MEI4: variants seen among roughly 807,000 people sequenced by gnomAD.
MEI4 encodes the protein meiosis-specific protein MEI4.
A neutral mutation model predicts 31.4 loss-of-function variants in MEI4; 27 were observed. That is an observed-to-expected ratio of 0.86 (90% CI 0.63 to 1.19). MEI4 has a LOEUF of 1.19. MEI4 is among the 50% of genes most tolerant of loss of function. MEI4 has a pLI of 0.00. For synonymous variants in MEI4, 122 were observed against 145.4 expected, an observed-to-expected ratio of 0.84 and a Z score of 1.16; for missense variants, 329 against 398.9, an observed-to-expected ratio of 0.82 and a Z score of 1.49.
At chr6:77,915,549 C>T (rs565462916) in intron 4 of MEI4, among the ~76,000 whole-genome samples, 1 of 151,902 alleles carries the variant, frequency 6.6e-6, no homozygotes, top group African/African-American at 2.4e-5. Context: ...TTTTCTCTTG[C>T]TATTGCTCTC....
chr6:77,902,957 CA>C (rs1562031767), intron 4 of MEI4, among the ~76,000 whole-genome samples: 1 of 152,096 alleles, frequency 6.6e-6, no homozygotes, highest in African/African-American at 2.4e-5. Flanking sequence ...TCAAATTTGG[CA>C]AATAAACTTT....
At chr6:77,734,338 A>G (rs926451981) in intron 2 of MEI4, among the ~76,000 whole-genome samples, 1 of 152,054 alleles carries the variant, frequency 6.6e-6, no homozygotes, top group Non-Finnish European at 1.5e-5. Context: ...TTTAGGATAT[A>G]TATTTAGGAT....
At chr6:77,896,628 C>A (rs533110708) in intron 4 of MEI4, among the ~76,000 whole-genome samples, 1 of 152,146 alleles carries the variant, frequency 6.6e-6, no homozygotes, top group African/African-American at 2.4e-5. Flanking sequence ...GTTTAACACA[C>A]ACTTACACCT....
intron 1 of MEI4, among the ~76,000 whole-genome samples, chr6:77,670,552 G>C (rs1382625984): frequency 6.6e-6 from 1 of 152,058 alleles, no homozygotes; most frequent in East Asian, 1.9e-4. Context: ...GGATTATCGT[G>C]TGACCACATA....
chr6:77,838,921 C>T (rs946985500), intron 4 of MEI4, among the ~76,000 whole-genome samples: 2 of 151,660 alleles, frequency 1.3e-5, no homozygotes, highest in African/African-American at 2.4e-5. Context: ...AAAAAGTCAA[C>T]TACCTGAGAA....
At chr6:77,719,423 C>A in intron 2 of MEI4, among the ~76,000 whole-genome samples, 1 of 118,102 alleles carries the variant, frequency 8.5e-6, no homozygotes, top group African/African-American at 3.4e-5. Context: ...TTCTACCAAC[C>A]AATTTTGGAC....
At chr6:77,856,852 A>G (rs1770758712) in intron 4 of MEI4, among the ~76,000 whole-genome samples, 1 of 150,810 alleles carries the variant, frequency 6.6e-6, no homozygotes, top group Admixed American at 6.6e-5. Context: ...AGCAAGGCAC[A>G]CCTCTTTACA....
chr6:77,883,717 G>GATAGATATATATATATATAT (rs1554172067), intron 4 of MEI4, among the ~76,000 whole-genome samples: 65 of 43,298 alleles, frequency 1.5e-3, no homozygotes, highest in Admixed American at 3.5e-3. Flanking sequence ...TATTATGTAA[G>GATAGATATATATATATATAT]ATATATATAT....
chr6:77,696,319 G>C (rs1163744133), intron 2 of MEI4, among the ~76,000 whole-genome samples: 2 of 152,154 alleles, frequency 1.3e-5, no homozygotes, highest in Non-Finnish European at 2.9e-5. Context: ...GGAGTGGTGA[G>C]AGAGGGCATC....
intron 1 of MEI4, among the ~76,000 whole-genome samples, chr6:77,660,512 G>A (rs1437213708): frequency 6.6e-6 from 1 of 151,950 alleles, no homozygotes; most frequent in Non-Finnish European, 1.5e-5. Context: ...ATGGAGAATA[G>A]GAGTATGACC....
chr6:77,685,117 C>A (rs569992996), intron 1 of MEI4, among the ~76,000 whole-genome samples: 6 of 152,076 alleles, frequency 3.9e-5, no homozygotes, highest in Non-Finnish European at 8.8e-5. Flanking sequence ...GCTGTGAACA[C>A]TTTCATATGT....
chr6:77,668,766 A>C (rs117678839), intron 1 of MEI4, among the ~76,000 whole-genome samples: 2,807 of 152,324 alleles, frequency 0.018, 43 homozygotes, highest in Non-Finnish European at 0.031. Context: ...TATATCATAA[A>C]ATGCTATTGT....
intron 4 of MEI4, among the ~76,000 whole-genome samples, chr6:77,878,873 C>T (rs1771409927): frequency 6.6e-6 from 1 of 152,008 alleles, no homozygotes; most frequent in East Asian, 1.9e-4. Flanking sequence ...GTAATCCAGG[C>T]TTCTACATGA....
At chr6:77,746,882 G>A (rs1475430814) in intron 2 of MEI4, among the ~76,000 whole-genome samples, 4 of 151,974 alleles carry the variant, frequency 2.6e-5, no homozygotes, top group Non-Finnish European at 5.9e-5. Context: ...CATAAATTGT[G>A]TATTTTTATG....
chr6:77,847,762 A>T lies in MEI4; in HGVS notation c.900+18700A>T, dbSNP rs911407411. On this transcript the variant is annotated intron_variant, in intron 4 of 4. Transcript: ENST00000684080. The surrounding 1 kb of genome is among the most constrained non-coding windows in gnomAD (Gnocchi z 4.6). ...TTTTTGTATGTACTGAGGTTAGTGAAAATTTCTTATTTATTTTTCTATTTA... is the reference window on the plus strand; with the variant it reads ...TTTTTGTATGTACTGAGGTTAGTGATAATTTCTTATTTATTTTTCTATTTA... Among the ~76,000 whole-genome samples, 9 of 152,092 alleles carry T rather than the reference A, an allele frequency of 5.9e-5. No individual in the cohort carries two copies. The highest frequency in any genetic ancestry group is 1.0e-4 in the Non-Finnish European group (7 of 68,018).
At chr6:77,918,042 T>G (rs1225548224) in intron 4 of MEI4, among the ~76,000 whole-genome samples, 1 of 151,728 alleles carries the variant, frequency 6.6e-6, no homozygotes, top group South Asian at 2.1e-4. Context: ...CCCCATTGCT[T>G]GTTTTTCTCA....
intron 1 of MEI4, among the ~76,000 whole-genome samples, chr6:77,663,407 G>T (rs1484281487): frequency 1.3e-5 from 2 of 151,920 alleles, no homozygotes; most frequent in African/African-American, 4.8e-5. Context: ...GGTTAAGGTG[G>T]GGGGATACAA....
chr6:77,735,859 AC>A (rs1220401493), intron 2 of MEI4, among the ~76,000 whole-genome samples: 1 of 151,812 alleles, frequency 6.6e-6, no homozygotes, highest in Non-Finnish European at 1.5e-5. Context: ...AACAGACAGG[AC>A]CCTCAGCTGC....
chr6:77,879,276 C>T (rs1223988084), intron 4 of MEI4, among the ~76,000 whole-genome samples: 1 of 152,112 alleles, frequency 6.6e-6, no homozygotes, highest in African/African-American at 2.4e-5. Context: ...TATTAACCGC[C>T]TGTTTCTTCA....
Sources: gnomAD v4.1 joint callset for allele counts (sites outside exome capture counted in the v4.1 genomes callset) on GRCh38, gnomAD v4.1.1 for gene constraint, Gnocchi (gnomAD v3.1) non-coding constraint, MANE v1.5 for transcripts, NCBI Gene and HGNC (gene_info 2026-07-23, HGNC 2026-07-21) for gene names.